ERCC6: variants seen among roughly 807,000 people sequenced by gnomAD.
ERCC6 encodes ERCC excision repair 6, chromatin remodeling factor.
In ERCC6, 116 loss-of-function variants were observed where a neutral mutation model predicts 158.7. The ratio of observed to expected loss-of-function variants is 0.73; its 90% CI spans 0.63 to 0.85. The LOEUF (loss-of-function observed/expected upper bound fraction) is 0.85. Ranked by LOEUF, ERCC6 falls within the 40% of genes least tolerant of loss-of-function variation. ERCC6 has a pLI of 0.00. For missense variants in ERCC6, 1,698 were observed against 1,799.4 expected (o/e 0.94, Z 1.02); for synonymous variants, 678 against 659.3 (o/e 1.03, Z -0.43).
chr10:49,485,020 A>G (rs1470798827), intron 8 of ERCC6, among the ~76,000 whole-genome samples: 1 of 152,270 alleles, frequency 6.6e-6, no homozygotes, highest in Non-Finnish European at 1.5e-5. Context: ...TTGGAAGATC[A>G]GTCACCAAGA....
Position 49,468,376 on chromosome 10 carries a change from C to T in ERCC6, c.3778+1806G>A, listed in dbSNP as rs560430232. Among the ~76,000 whole-genome samples, 6 of 152,288 alleles carry T rather than the reference C, an allele frequency of 3.9e-5. No homozygotes were observed. In the East Asian group the frequency reaches 5.8e-4, roughly 15 times the overall value. ...GGTTCTCCCTCTTTCTGTTACAGCA[C>T]GAAAATTCTCTCAAGGCAGTAGGGC... is the stretch of plus-strand genomic sequence containing the variant. On this transcript the variant is annotated intron_variant, in intron 18 of 20. Coordinates refer to ENST00000355832, the MANE Select transcript of ERCC6 (RefSeq NM_000124.4).
chr10:49,526,183 T>A (rs918532472), intron 4 of ERCC6, among the ~76,000 whole-genome samples: 1 of 140,794 alleles, frequency 7.1e-6, no homozygotes, highest in African/African-American at 2.7e-5. Flanking sequence ...TAAGCTTTAG[T>A]AGACACTGTC....
chr10:49,480,162 T>C (rs1325424465), intron 10 of ERCC6, among the ~76,000 whole-genome samples: 1 of 152,194 alleles, frequency 6.6e-6, no homozygotes, highest in Non-Finnish European at 1.5e-5. Context: ...TTTGGGCTGC[T>C]GACATGCTCC....
intron 19 of ERCC6, 152 bp from the exon 20 acceptor site, chr10:49,460,603 G>A (rs745401370): frequency 1.9e-5 from 13 of 681,118 alleles, no homozygotes; most frequent in African/African-American, 1.2e-4. Context: ...TATCCCCCTC[G>A]ATTCTTCCAC....
intron 18 of ERCC6, among the ~76,000 whole-genome samples, chr10:49,465,727 A>G (rs1352613135): frequency 6.6e-6 from 1 of 152,162 alleles, no homozygotes; most frequent in Non-Finnish European, 1.5e-5. Flanking sequence ...TTCTCTGCAC[A>G]AGCTCTTTGC....
intron 5 of ERCC6, among the ~76,000 whole-genome samples, chr10:49,521,534 A>G (rs1469088628): frequency 6.6e-6 from 1 of 152,260 alleles, no homozygotes; most frequent in African/African-American, 2.4e-5. Flanking sequence ...GCACAAAGTA[A>G]AATGAAAAAA....
intron 8 of ERCC6, 95 bp from the exon 9 acceptor site, chr10:49,483,611 A>G: frequency 8.1e-7 from 1 of 1,227,564 alleles, no homozygotes; most frequent in Non-Finnish European, 1.2e-6. Flanking sequence ...AAAATGCACA[A>G]ATACAAACAT....
chr10:49,489,235 G>A (rs189016139), intron 8 of ERCC6, among the ~76,000 whole-genome samples: 1 of 152,146 alleles, frequency 6.6e-6, no homozygotes, highest in African/African-American at 2.4e-5. Context: ...ACTACATACT[G>A]AGTCAATCAG....
chr10:49,463,933 C>T (rs1035246966), intron 18 of ERCC6, among the ~76,000 whole-genome samples: 1 of 152,154 alleles, frequency 6.6e-6, no homozygotes, highest in Non-Finnish European at 1.5e-5. Flanking sequence ...TCTTTATCAG[C>T]AGCATAAAAA....
At chr10:49,438,457 G>A in the ERCC6 span, among the ~76,000 whole-genome samples, 10 of 152,192 alleles carry the variant, frequency 6.6e-5, no homozygotes, top group African/African-American at 2.2e-4. Flanking sequence ...GAATAGCATG[G>A]GAAAGACCAG....
rs778177594 is a variant in ERCC6, at chr10:49,493,242, A to G, written c.1696T>C (p.Leu566=). ...TRGSNYRFEG[L]GPTVIVCPTT... ...GGACAGACAATTACAGTTGGACCCA[A>G]CCCCTCAAACCTGCATCCAAACGTC... is the stretch of plus-strand genomic sequence containing the variant. The change falls in exon 8 of 21, where the codon TTG becomes CTG. Residue 566 remains leucine (L), a synonymous_variant. Transcript: ENST00000355832. 6 of 1,614,050 alleles carry G rather than the reference A, an allele frequency of 3.7e-6. No homozygotes were observed. Among genetic ancestry groups the G allele is most frequent in the Non-Finnish European group, 5.1e-6 (6 of 1,180,010 alleles).
chr10:49,471,262 A>C, intron 16 of ERCC6, 142 bp from the exon 17 acceptor site: 1 of 789,288 alleles, frequency 1.3e-6, no homozygotes, highest in Non-Finnish European at 2.1e-6. Context: ...GCCTTGGAAA[A>C]TTACAATTCA....
Position 49,524,318 on chromosome 10 carries a change from T to C in ERCC6, c.1112A>G (p.Glu371Gly), listed in dbSNP as rs774833290. 1 of 1,614,092 alleles carries C rather than the reference T, an allele frequency of 6.2e-7. No individual in the cohort carries two copies. Among genetic ancestry groups the C allele is most frequent in the Non-Finnish European group, 8.5e-7 (1 of 1,179,994 alleles). ...PEAEGDSEGE[E>G]SEYFPTEEEE... ...CTCCTCTGTGGGGAAATACTCAGAC[T>C]CTTCACCCTCAGAGTCTCCCTCTGC... The change falls in exon 5 of 21, where the codon GAG becomes GGG. Residue 371 changes from glutamate (E) to glycine (G), a missense_variant. Glu to Gly is a moderately conservative substitution (Grantham distance 98). Coordinates refer to ENST00000355832, the MANE Select transcript of ERCC6 (RefSeq NM_000124.4).
chr10:49,494,317 A>T (rs1851228088), intron 7 of ERCC6, among the ~76,000 whole-genome samples: 2 of 152,248 alleles, frequency 1.3e-5, no homozygotes, highest in Non-Finnish European at 2.9e-5. Flanking sequence ...AAGTGCTTAG[A>T]ACAGGACCAT....
chr10:49,446,020 C>A, the ERCC6 span, among the ~76,000 whole-genome samples: 1 of 152,182 alleles, frequency 6.6e-6, no homozygotes, highest in Non-Finnish European at 1.5e-5. Context: ...CCCACCTCTA[C>A]ACTCAGACAA....
intron 5 of ERCC6, among the ~76,000 whole-genome samples, chr10:49,520,872 C>T (rs770537477): frequency 2.0e-5 from 3 of 152,182 alleles, no homozygotes; most frequent in Admixed American, 6.5e-5. Context: ...CAAAGCAAAG[C>T]AAATTCCTTC....
intron 5 of ERCC6, chr10:49,516,757 T>C (rs1408170307): frequency 4.3e-6 from 7 of 1,614,120 alleles, no homozygotes; most frequent in South Asian, 1.1e-5. Context: ...GGTTGTACAG[T>C]TAGGTCGGCT....
chr10:49,458,612 C>T lies in ERCC6; in HGVS notation c.*203G>A. The T allele has an allele frequency of 1.7e-6, 1 of 572,632 alleles. No homozygotes were observed. Among genetic ancestry groups the T allele is most frequent in the South Asian group, 2.3e-5 (1 of 44,326 alleles). 35.5% of individuals were successfully genotyped at this position (572,632 alleles called of 1,614,324 possible). On this transcript the variant is annotated 3_prime_UTR_variant, in exon 21 of 21. Transcript: ENST00000355832. ...AAAAAAAAATCAATCCAAGTATTTT[C>T]TCCTTTAGCTAGCATTATTAAAACT...
At chr10:49,489,058 T>C (rs557966935) in intron 8 of ERCC6, among the ~76,000 whole-genome samples, 11 of 152,308 alleles carry the variant, frequency 7.2e-5, no homozygotes, top group African/African-American at 2.4e-4. Flanking sequence ...GCTGGGATTA[T>C]AGGCGTGAGC....
Sources: allele counts gnomAD v4.1 joint callset (sites outside exome capture counted in the v4.1 genomes callset), GRCh38; gene constraint gnomAD v4.1.1; transcripts MANE v1.5; gene names NCBI Gene and HGNC (gene_info 2026-07-23, HGNC 2026-07-21).